The following ACSM3 variants were observed in gnomAD, a reference collection of about 807,000 sequenced individuals.
ACSM3 encodes acyl-CoA synthetase medium chain family member 3.
Under a neutral mutation model 74.1 loss-of-function variants are expected in ACSM3, and 61 were observed. The ratio of observed to expected loss-of-function variants is 0.82; its 90% CI spans 0.67 to 1.02. The LOEUF (loss-of-function observed/expected upper bound fraction) is 1.02, where lower values mean the gene tolerates loss of function less well. ACSM3 is among the 50% of genes least tolerant of loss of function. The pLI, the probability that ACSM3 is intolerant of heterozygous loss-of-function variation, is 0.00. For missense variants in ACSM3, 660 were observed against 697.0 expected, an observed-to-expected ratio of 0.95 and a Z score of 0.60; for synonymous variants, 213 against 241.5, an observed-to-expected ratio of 0.88 and a Z score of 1.09.
intron 1 of ACSM3, chr16:20,691,347 C>G (rs2079650061): frequency 1.7e-6 from 1 of 578,090 alleles, no homozygotes; most frequent in Non-Finnish European, 2.9e-6. Context: ...TTCAGGTCAC[C>G]AGAATTTGGA....
chr16:20,727,415 G>A (rs1596486463), intron 1 of ACSM3: 3 of 548,788 alleles, frequency 5.5e-6, no homozygotes, highest in Non-Finnish European at 3.6e-6. Context: ...TGGAGCAGTG[G>A]AGGGCACAAA....
intron 1 of ACSM3, among the ~76,000 whole-genome samples, chr16:20,768,170 T>C (rs1339786287): frequency 3.3e-5 from 5 of 152,204 alleles, no homozygotes; most frequent in Non-Finnish European, 5.9e-5. Context: ...CATTCAGTCT[T>C]CAGGACAAAT....
intron 13 of ACSM3, 101 bp from the exon 14 acceptor site, chr16:20,796,785 C>G (rs886470830): frequency 6.4e-7 from 1 of 1,556,906 alleles, no homozygotes; most frequent in African/African-American, 1.4e-5. Flanking sequence ...AAAGACTATT[C>G]TAATTCTTCC....
intron 1 of ACSM3, among the ~76,000 whole-genome samples, chr16:20,767,595 G>T (rs1004748922): frequency 1.3e-5 from 2 of 150,656 alleles, no homozygotes; most frequent in African/African-American, 2.4e-5. Context: ...CAAACAGAAT[G>T]ACATTGTTAG....
At chr16:20,793,655 A>G (rs2080654028) in intron 12 of ACSM3, among the ~76,000 whole-genome samples, 1 of 152,288 alleles carries the variant, frequency 6.6e-6, no homozygotes, top group African/African-American at 2.4e-5. Flanking sequence ...GGGAATTGGT[A>G]GTTTGTCAAG....
upstream of ACSM3, among the ~76,000 whole-genome samples, chr16:20,762,065 A>G (rs2080081648): frequency 6.6e-6 from 1 of 152,210 alleles, no homozygotes; most frequent in Non-Finnish European, 1.5e-5. Context: ...GGATCTCTCA[A>G]GTTGCCTGCT....
intron 1 of ACSM3, among the ~76,000 whole-genome samples, chr16:20,746,383 G>T (rs765500921): frequency 2.6e-4 from 40 of 151,894 alleles, no homozygotes; most frequent in Non-Finnish European, 5.0e-4. Context: ...TTATATTTTT[G>T]GTTTACTAAA....
At chr16:20,778,113 C>T (rs1214466783) in intron 4 of ACSM3, among the ~76,000 whole-genome samples, 1 of 152,158 alleles carries the variant, frequency 6.6e-6, no homozygotes, top group Admixed American at 6.5e-5. Context: ...GGATCACAGT[C>T]AGTCCTTCAG....
Position 20,777,374 on chromosome 16 carries a change from G to A in ACSM3, c.432G>A (p.Gly144=). The change falls in exon 4 of 14, where the codon GGG becomes GGA. Residue 144 remains glycine, a splice_region_variant and synonymous_variant. Coordinates refer to ENST00000289416, the MANE Select transcript of ACSM3 (RefSeq NM_005622.4). ...ACTGTTTCTTTTCTGCCCCTTTAGG[G>A]ACAGTTTTAATTCCAGGAACCACTC... The part of the protein sequence containing the change: ...WLANVACLRT[G]TVLIPGTTQL... 1 of 1,613,102 alleles carries A rather than the reference G, an allele frequency of 6.2e-7. No individual in the cohort carries two copies. The highest frequency in any genetic ancestry group is 1.1e-5 in the South Asian group (1 of 90,932).
intron 1 of ACSM3, among the ~76,000 whole-genome samples, chr16:20,684,227 T>A (rs1244265257): frequency 6.6e-6 from 1 of 152,174 alleles, no homozygotes. Flanking sequence ...AAAACCAACA[T>A]GGTAATATTC....
At chr16:20,704,655 C>T (rs1487790188) in intron 1 of ACSM3, among the ~76,000 whole-genome samples, 1 of 150,824 alleles carries the variant, frequency 6.6e-6, no homozygotes, top group Non-Finnish European at 1.5e-5. Context: ...TTATTAAAGA[C>T]AAAAAAAGAA....
At position 20,797,502 on chromosome 16, in the gene ACSM3, T is replaced by C; in HGVS notation, c.*530T>C. ...AATTTAAAAATAGTTTAGACTTGTT[T>C]CAAGGTCTAACTATAAAAGAAGGAT... On this transcript the variant is annotated 3_prime_UTR_variant, in exon 14 of 14. Coordinates refer to ENST00000289416, the MANE Select transcript of ACSM3 (RefSeq NM_005622.4). The C allele has an allele frequency of 8.8e-7, 1 of 1,140,124 alleles. No homozygotes were observed. Among genetic ancestry groups the C allele is most frequent in the East Asian group, 4.3e-5 (1 of 23,502 alleles). 70.6% of individuals were successfully genotyped at this position (1,140,124 alleles called of 1,614,324 possible). A position where few individuals can be genotyped will look rare whatever the true frequency, so the allele number is the denominator to read the frequency against.
chr16:20,771,469 G>C (rs1467394349), intron 2 of ACSM3, among the ~76,000 whole-genome samples: 1 of 144,614 alleles, frequency 6.9e-6, no homozygotes, highest in Non-Finnish European at 1.5e-5. Flanking sequence ...TCCCACATAT[G>C]AGTAAGAACA....
chr16:20,756,680 T>C (rs1425390101), intron 3 of ACSM3, among the ~76,000 whole-genome samples: 6 of 152,240 alleles, frequency 3.9e-5, no homozygotes, highest in Non-Finnish European at 8.8e-5. Context: ...TGCCATTGCT[T>C]TTGGTGTTTT....
intron 1 of ACSM3, chr16:20,743,526 CTT>C (rs1475302376): frequency 6.6e-6 from 1 of 152,208 alleles, no homozygotes; most frequent in Non-Finnish European, 1.5e-5. Context: ...GTACAAACCT[CTT>C]AGCAGATTTG....
At position 20,784,776 on chromosome 16, in the gene ACSM3, A is replaced by G. The variant is rs563059615; in HGVS notation, c.1020-208A>G. On this transcript the variant is annotated intron_variant, in intron 7 of 13. Coordinates refer to ENST00000289416, the MANE Select transcript of ACSM3 (RefSeq NM_005622.4). ...AGTATCATTCTATGATATTAGAATG[A>G]TTTATCTTTTTAATATCTTTATTTT... Among the ~76,000 whole-genome samples the G allele has an allele frequency of 5.9e-5, 9 of 152,254 alleles. No individual in the cohort carries two copies. The South Asian group carries it at 1.9e-3, about 32-fold the overall frequency.
intron 9 of ACSM3, chr16:20,789,381 T>C (rs971459254): frequency 1.2e-6 from 1 of 846,262 alleles, no homozygotes; most frequent in Non-Finnish European, 2.0e-6. Flanking sequence ...TTACTTAGCA[T>C]GTATTAAGTA....
At chr16:20,742,657 A>AG (rs71149179) in intron 1 of ACSM3, among the ~76,000 whole-genome samples, 1 of 150,174 alleles carries the variant, frequency 6.7e-6, no homozygotes, top group African/African-American at 2.4e-5. Context: ...AAAAAAAAAA[A>AG]TGAGCCAGGG....
chr16:20,737,898 CTTCT>C, intron 1 of ACSM3: 2 of 1,613,564 alleles, frequency 1.2e-6, no homozygotes, highest in Non-Finnish European at 1.7e-6. Flanking sequence ...TAACTCGAGT[CTTCT>C]TTTTCTTGGT....
Sources: gnomAD v4.1 joint callset for allele counts (sites outside exome capture counted in the v4.1 genomes callset) on GRCh38, gnomAD v4.1.1 for gene constraint, MANE v1.5 for transcripts, NCBI Gene and HGNC (gene_info 2026-07-23, HGNC 2026-07-21) for gene names.